PRTG: variants seen among roughly 807,000 people sequenced by gnomAD.
PRTG encodes immunoglobulin superfamily, DCC subclass, member 5.
A neutral mutation model predicts 122.5 loss-of-function variants in PRTG; 67 were observed. The observed-to-expected ratio is 0.55, with a 90% CI of 0.45 to 0.67. PRTG has a LOEUF of 0.67. Ranked by LOEUF, PRTG falls within the 30% of genes least tolerant of loss-of-function variation. The pLI, the probability that PRTG is intolerant of heterozygous loss-of-function variation, is 0.00. For missense variants in PRTG, 1,435 were observed against 1,415.4 expected (o/e 1.01, Z -0.22); for synonymous variants, 554 against 501.1 (o/e 1.11, Z -1.41).
intron 11 of PRTG, among the ~76,000 whole-genome samples, chr15:55,669,010 C>T (rs563209208): frequency 1.8e-4 from 28 of 152,160 alleles, no homozygotes; most frequent in South Asian, 6.2e-4. Flanking sequence ...TGTAGTACTA[C>T]ATCTCAGAAA....
chr15:55,627,932 G>A (rs960809907), intron 16 of PRTG, among the ~76,000 whole-genome samples: 33 of 152,186 alleles, frequency 2.2e-4, no homozygotes, highest in African/African-American at 7.2e-4. Context: ...GCGAGTCTAC[G>A]GAGCTCTCAG....
At chr15:55,730,816 G>A (rs1015261081) in intron 2 of PRTG, among the ~76,000 whole-genome samples, 3 of 152,046 alleles carry the variant, frequency 2.0e-5, no homozygotes, top group Admixed American at 6.6e-5. Flanking sequence ...TAAAAGTCAC[G>A]ACTATAATAA....
chr15:55,642,286 A>G (rs2059296263), intron 11 of PRTG, among the ~76,000 whole-genome samples: 1 of 151,978 alleles, frequency 6.6e-6, no homozygotes, highest in African/African-American at 2.4e-5. Flanking sequence ...ACTGTTTATG[A>G]TGACATTTAA....
intron 11 of PRTG, among the ~76,000 whole-genome samples, chr15:55,658,065 CTG>C (rs2059389923): frequency 1.3e-5 from 2 of 152,152 alleles, no homozygotes; most frequent in South Asian, 4.1e-4. Flanking sequence ...ATTTAATACA[CTG>C]TGAACAATTT....
chr15:55,702,044 C>A (rs776560949), intron 2 of PRTG, among the ~76,000 whole-genome samples: 2 of 151,994 alleles, frequency 1.3e-5, no homozygotes, highest in African/African-American at 4.8e-5. Flanking sequence ...TGTTAAAATT[C>A]ATAGAACTAT....
chr15:55,679,778 T>C (rs998009624), intron 6 of PRTG: 4 of 437,856 alleles, frequency 9.1e-6, no homozygotes, highest in African/African-American at 5.9e-5. Context: ...AATTGGCAAA[T>C]AGGTACACGG....
chr15:55,622,245 T>A (rs1004874833), intron 18 of PRTG, among the ~76,000 whole-genome samples: 5 of 130,016 alleles, frequency 3.8e-5, no homozygotes, highest in African/African-American at 1.5e-4. Context: ...TGAGACAGAG[T>A]CTCGTTCTTG....
At chr15:55,657,303 G>A (rs984698508) in intron 11 of PRTG, among the ~76,000 whole-genome samples, 3 of 152,074 alleles carry the variant, frequency 2.0e-5, no homozygotes, top group Admixed American at 6.5e-5. Flanking sequence ...TTTCTTCTGA[G>A]ACTAAAGGTC....
intron 2 of PRTG, among the ~76,000 whole-genome samples, chr15:55,735,181 T>G (rs375159641): frequency 1.3e-5 from 2 of 152,136 alleles, no homozygotes; most frequent in African/African-American, 4.8e-5. Context: ...TTAAAACATC[T>G]CAATAATCAT....
At chr15:55,656,397 CTT>C in intron 11 of PRTG, 1 of 449,070 alleles carries the variant, frequency 2.2e-6, no homozygotes, top group Non-Finnish European at 4.5e-6. Flanking sequence ...TAAATTATGA[CTT>C]TAATTTAGGG....
At chr15:55,630,698 T>C (rs565464904) in intron 15 of PRTG, among the ~76,000 whole-genome samples, 10 of 152,344 alleles carry the variant, frequency 6.6e-5, no homozygotes, top group African/African-American at 2.4e-4. Context: ...GTTCTGCCAC[T>C]GCACCAAAGT....
intron 2 of PRTG, chr15:55,702,819 C>CAA: frequency 4.5e-6 from 3 of 669,726 alleles, no homozygotes; most frequent in Non-Finnish European, 5.5e-6. Flanking sequence ...CACACACACA[C>CAA]AACCTGAAAA....
At chr15:55,701,229 T>C (rs572240769) in intron 2 of PRTG, among the ~76,000 whole-genome samples, 2 of 152,182 alleles carry the variant, frequency 1.3e-5, no homozygotes, top group Non-Finnish European at 2.9e-5. Flanking sequence ...CATAAACACA[T>C]ACTTGCTATA....
At chr15:55,673,090 A>G (rs553313926) in intron 10 of PRTG, among the ~76,000 whole-genome samples, 6 of 152,336 alleles carry the variant, frequency 3.9e-5, no homozygotes, top group African/African-American at 1.4e-4. Flanking sequence ...TTAGGCCTCT[A>G]TGAATATCTT....
At chr15:55,647,216 G>A (rs910006263) in intron 11 of PRTG, among the ~76,000 whole-genome samples, 14 of 152,060 alleles carry the variant, frequency 9.2e-5, no homozygotes, top group Non-Finnish European at 1.6e-4. Flanking sequence ...GGAGGCAGCT[G>A]TTGCATGAGC....
chr15:55,660,716 T>C (rs1386883140), intron 11 of PRTG, among the ~76,000 whole-genome samples: 3 of 152,210 alleles, frequency 2.0e-5, no homozygotes, highest in African/African-American at 4.8e-5. Flanking sequence ...GAAACTTTTA[T>C]TTGAGGTTTT....
intron 11 of PRTG, among the ~76,000 whole-genome samples, chr15:55,666,862 C>T (rs570127511): frequency 5.3e-5 from 8 of 152,232 alleles, no homozygotes; most frequent in Non-Finnish European, 1.2e-4. Flanking sequence ...AAAATCAATA[C>T]CATTATCCCT....
At chr15:55,692,734 C>T (rs936377180) in intron 2 of PRTG, among the ~76,000 whole-genome samples, 2 of 149,692 alleles carry the variant, frequency 1.3e-5, no homozygotes, top group African/African-American at 4.9e-5. Flanking sequence ...ATGGCTCATA[C>T]GTAAGGCTAT....
intron 11 of PRTG, among the ~76,000 whole-genome samples, chr15:55,670,793 C>G (rs1378305756): frequency 1.3e-5 from 2 of 151,866 alleles, no homozygotes; most frequent in Non-Finnish European, 2.9e-5. Context: ...CCCAGCTACT[C>G]GGGAGGCTGA....
Sources: gnomAD v4.1 joint callset for allele counts (sites outside exome capture counted in the v4.1 genomes callset) on GRCh38, gnomAD v4.1.1 for gene constraint, MANE v1.5 for transcripts, NCBI Gene and HGNC (gene_info 2026-07-23, HGNC 2026-07-21) for gene names.